Variants in AAK1 observed in about 807,000 individuals in gnomAD.
AAK1 encodes AP2-associated protein kinase 1.
A neutral mutation model predicts 116.0 loss-of-function variants in AAK1; 37 were observed. The ratio of observed to expected loss-of-function variants is 0.32; its 90% CI spans 0.25 to 0.42. The LOEUF (loss-of-function observed/expected upper bound fraction) is 0.42. Ranked by LOEUF, AAK1 falls within the 10% of genes least tolerant of loss-of-function variation. The probability of loss-of-function intolerance (pLI) is 1.00; values close to 1 mark genes in which losing one functional copy is unlikely to be tolerated. For synonymous variants in AAK1, 458 were observed against 439.9 expected, an observed-to-expected ratio of 1.04 and a Z score of -0.51; for missense variants, 919 against 1,170.6, an observed-to-expected ratio of 0.79 and a Z score of 3.14.
chr2:69,556,433 G>A (rs1671388123), intron 3 of AAK1, among the ~76,000 whole-genome samples: 1 of 152,148 alleles, frequency 6.6e-6, no homozygotes, highest in Non-Finnish European at 1.5e-5. Context: ...ATATTAAGTT[G>A]TATAAGGATA....
chr2:69,570,487 G>A (rs1672051138), intron 2 of AAK1, among the ~76,000 whole-genome samples: 3 of 151,830 alleles, frequency 2.0e-5, no homozygotes, highest in Non-Finnish European at 1.5e-5. Flanking sequence ...AGGCAAAGAG[G>A]GAACCACTCT....
intron 2 of AAK1, among the ~76,000 whole-genome samples, chr2:69,572,296 A>G (rs1357916709): frequency 1.3e-5 from 2 of 152,088 alleles, no homozygotes; most frequent in Admixed American, 6.6e-5. Context: ...TTAAATTCTA[A>G]TATTTTGTTC....
intron 5 of AAK1, among the ~76,000 whole-genome samples, chr2:69,539,234 A>T (rs985379077): frequency 6.6e-6 from 1 of 152,244 alleles, no homozygotes; most frequent in African/African-American, 2.4e-5. Flanking sequence ...AAGGAGCCAG[A>T]AGCCACAGGG....
chr2:69,621,539 G>A (rs1393672274), intron 2 of AAK1, among the ~76,000 whole-genome samples: 1 of 152,052 alleles, frequency 6.6e-6, no homozygotes, highest in Non-Finnish European at 1.5e-5. Context: ...GAGATGAACA[G>A]AAGCCCTAGT....
intron 6 of AAK1, among the ~76,000 whole-genome samples, chr2:69,531,126 G>C (rs1259851889): frequency 6.6e-6 from 1 of 152,142 alleles, no homozygotes; most frequent in Admixed American, 6.5e-5. Flanking sequence ...GCAGAAAGTG[G>C]GCCCTGGCTG....
intron 2 of AAK1, among the ~76,000 whole-genome samples, chr2:69,589,261 T>C (rs907595104): frequency 1.3e-5 from 2 of 152,090 alleles, no homozygotes; most frequent in East Asian, 1.9e-4. Context: ...GTGGAGCATA[T>C]ACAGGACAAA....
Position 69,463,820 on chromosome 2 carries a change from A to C in AAK1, c.*12049T>G, listed in dbSNP as rs1674404310. The C allele has an allele frequency of 6.6e-6, 1 of 151,534 alleles. No individual in the cohort carries two copies. Among genetic ancestry groups the C allele is most frequent in the South Asian group, 2.1e-4 (1 of 4,782 alleles). 9.4% of individuals were successfully genotyped at this position (151,534 alleles called of 1,614,324 possible). A position where few individuals can be genotyped will look rare whatever the true frequency, so the allele number is the denominator to read the frequency against. ...GCCACCATGCCCAGCCTATTTTTTT[A>C]TTTATTTTTTGAAGGGACAGGGTCT... On this transcript the variant is annotated 3_prime_UTR_variant, in exon 22 of 22. Transcript: ENST00000409085.
At chr2:69,571,021 C>G (rs923362588) in intron 2 of AAK1, among the ~76,000 whole-genome samples, 5 of 152,022 alleles carry the variant, frequency 3.3e-5, no homozygotes, top group Non-Finnish European at 4.4e-5. Flanking sequence ...CCCATGCCCA[C>G]CTTGATTTTT....
intron 5 of AAK1, among the ~76,000 whole-genome samples, chr2:69,540,620 T>C (rs539347939): frequency 6.6e-6 from 1 of 152,310 alleles, no homozygotes; most frequent in African/African-American, 2.4e-5. Flanking sequence ...TTGGTAAAGA[T>C]GTGGAGAAAC....
intron 15 of AAK1, among the ~76,000 whole-genome samples, chr2:69,506,721 G>C (rs1017725794): frequency 1.3e-5 from 2 of 152,166 alleles, no homozygotes; most frequent in African/African-American, 4.8e-5. Flanking sequence ...TTGGCCAATA[G>C]TTCATACCAC....
At chr2:69,633,091 G>A (rs1316089223) in intron 2 of AAK1, among the ~76,000 whole-genome samples, 2 of 150,962 alleles carry the variant, frequency 1.3e-5, no homozygotes, top group African/African-American at 4.9e-5. Flanking sequence ...CATGGTGGCA[G>A]GCACCTGTAG....
chr2:69,615,376 C>A (rs1216491601), intron 2 of AAK1, among the ~76,000 whole-genome samples: 2 of 152,128 alleles, frequency 1.3e-5, no homozygotes, highest in Non-Finnish European at 2.9e-5. Flanking sequence ...TGCTTTTTAA[C>A]CCAGTACCAT....
In AAK1 at chr2:69,556,271, G is replaced by A. The variant is rs577874163; in HGVS notation, c.282+589C>T. On this transcript the variant is annotated intron_variant, in intron 3 of 21. Coordinates refer to ENST00000409085, the MANE Select transcript of AAK1 (RefSeq NM_014911.5). ...CAACTTCCCACCCCTGAATAACCAC[G>A]TTCTGATTTCTATCTCCACAGATAA... 1.4e-4 allele frequency among the ~76,000 whole-genome samples: 21 copies of A among 152,104 alleles called. No individual in the cohort carries two copies. In the South Asian group the frequency reaches 1.7e-3, roughly 12 times the overall value.
At position 69,482,817 on chromosome 2, in the gene AAK1, G is replaced by T. The variant is rs369324807; in HGVS notation, c.2366-5C>A. 1.9e-6 allele frequency: 3 copies of T among 1,590,052 alleles called. No homozygotes were observed. The highest frequency in any genetic ancestry group is 1.7e-6 in the Non-Finnish European group (2 of 1,158,574). ...TGAGTCCCTCAATTAGTTTTTCTAC[G>T]TTGGGCAGAGAGACAAAAAGAAAGC... On this transcript the variant is annotated splice_polypyrimidine_tract_variant and splice_region_variant and intron_variant, in intron 17 of 21. Transcript: ENST00000409085.
intron 17 of AAK1, among the ~76,000 whole-genome samples, chr2:69,488,717 G>A (rs1675400754): frequency 6.6e-6 from 1 of 152,092 alleles, no homozygotes; most frequent in African/African-American, 2.4e-5. Flanking sequence ...CAAATGTCTT[G>A]GGTGAGAACA....
At position 69,469,832 on chromosome 2, in the gene AAK1, C is replaced by T. The variant is rs1337454468; in HGVS notation, c.*6037G>A. On this transcript the variant is annotated 3_prime_UTR_variant, in exon 22 of 22. Transcript: ENST00000409085. ...ATGTAGGACTGTGTGCCAGGTTAGG[C>T]ACGTTGACACTTTCAATATGGGTAA... The T allele has an allele frequency of 4.1e-6, 4 of 985,336 alleles. No homozygotes were observed. The highest frequency in any genetic ancestry group is 6.1e-5 in the Admixed American group (1 of 16,264). 61.0% of individuals were successfully genotyped at this position (985,336 alleles called of 1,614,324 possible).
At chr2:69,486,643 C>A (rs1240602322) in intron 17 of AAK1, among the ~76,000 whole-genome samples, 1 of 152,106 alleles carries the variant, frequency 6.6e-6, no homozygotes, top group Non-Finnish European at 1.5e-5. Flanking sequence ...GGTGCCATCA[C>A]AATGATGGAC....
Position 69,475,107 on chromosome 2 carries a change from C to T in AAK1, c.*762G>A. 2.0e-6 allele frequency: 2 copies of T among 985,620 alleles called. No homozygotes were observed. The highest frequency in any genetic ancestry group is 6.2e-5 in the Admixed American group (1 of 16,238). The allele number at this position is 985,620 out of a possible 1,614,324, so 61.1% of individuals were successfully genotyped here. A position where few individuals can be genotyped will look rare whatever the true frequency, so the allele number is the denominator to read the frequency against. On this transcript the variant is annotated 3_prime_UTR_variant, in exon 22 of 22. Coordinates refer to ENST00000409085, the MANE Select transcript of AAK1 (RefSeq NM_014911.5). ...ATGGCAATACTTGGGATTTATATAA[C>T]GTACACATTGTATCCAAGGATCTCA...
At chr2:69,599,379 T>TAAA (rs34685588) in intron 2 of AAK1, among the ~76,000 whole-genome samples, 136 of 103,540 alleles carry the variant, frequency 1.3e-3, no homozygotes, top group African/African-American at 3.8e-3. Context: ...TAGTTCTGTG[T>TAAA]AAAAAAAAAA....
Sources: allele counts gnomAD v4.1 joint callset (sites outside exome capture counted in the v4.1 genomes callset), GRCh38; gene constraint gnomAD v4.1.1; transcripts MANE v1.5; gene names NCBI Gene and HGNC (gene_info 2026-07-23, HGNC 2026-07-21).